Variants in LYAR observed in about 807,000 individuals in gnomAD.
LYAR encodes Ly1 antibody reactive.
In LYAR, 37 loss-of-function variants were observed where a neutral mutation model predicts 45.2. That is an observed-to-expected ratio of 0.82 (90% CI 0.63 to 1.08). The LOEUF is 1.08. Ranked by LOEUF, LYAR falls within the 50% of genes least tolerant of loss-of-function variation. The pLI is 0.00. For synonymous variants in LYAR, 176 were observed against 155.1 expected, an observed-to-expected ratio of 1.14 and a Z score of -1.00; for missense variants, 493 against 451.0, an observed-to-expected ratio of 1.09 and a Z score of -0.84.
chr4:4,281,936 C>A (rs1468955212), intron 3 of LYAR, 39 bp from the exon 4 acceptor site: 2 of 1,404,142 alleles, frequency 1.4e-6, no homozygotes, highest in Non-Finnish European at 1.0e-6. Flanking sequence ...AGACTGATAC[C>A]CAAGTTGGAG....
At chr4:4,276,729 C>A (rs377551350) in intron 6 of LYAR, among the ~76,000 whole-genome samples, 1 of 149,432 alleles carries the variant, frequency 6.7e-6, no homozygotes, top group Non-Finnish European at 1.5e-5. Flanking sequence ...TGGTGGCAAG[C>A]GCCTGTAATC....
rs779664121 is a variant in LYAR, at chr4:4,274,760, T to C, written c.439A>G (p.Asn147Asp). The C allele has an allele frequency of 1.9e-6, 3 of 1,590,928 alleles. No individual in the cohort carries two copies. The highest frequency in any genetic ancestry group is 1.4e-5 in the African/African-American group (1 of 73,062). ...FSEASNSEPVNKEQDQRPLHP... is the reference protein window; with the variant it reads ...FSEASNSEPVDKEQDQRPLHP... ...AGTGGCCGTTGATCCTGTTCCTTAT[T>C]GACTGGTTCCTTATCATTAAGCAAA... Residue 147 changes from asparagine (N) to aspartate (D), a missense_variant, in exon 7 of 10, where the codon AAT (asparagine) becomes GAT (aspartate). Asn to Asp is a conservative substitution (Grantham distance 23). Coordinates refer to ENST00000343470, the MANE Select transcript of LYAR (RefSeq NM_017816.3).
In LYAR at chr4:4,279,510, T is replaced by C; in HGVS notation, c.366A>G (p.Leu122=). Residue 122 remains leucine (L), a synonymous_variant, in exon 6 of 10, where the codon TTA becomes TTG. Coordinates refer to ENST00000343470, the MANE Select transcript of LYAR (RefSeq NM_017816.3). ...AKFQNWMKNS[L]KVHNESILDQ... The stretch of plus-strand genomic sequence containing the variant: ...CCAGAATGGATTCATTATGAACTTT[T>C]AAACTGTTCTTCATCCAATTCTGTA... The C allele has an allele frequency of 6.2e-7, 1 of 1,612,172 alleles. No individual in the cohort carries two copies. Among genetic ancestry groups the C allele is most frequent in the Non-Finnish European group, 8.5e-7 (1 of 1,178,204 alleles).
At position 4,273,673 on chromosome 4, in the gene LYAR, A is replaced by G; in HGVS notation, c.833-4T>C. 1.9e-6 allele frequency: 3 copies of G among 1,584,232 alleles called. No homozygotes were observed. The highest frequency in any genetic ancestry group is 2.6e-6 in the Non-Finnish European group (3 of 1,156,720). On this transcript the variant is annotated splice_region_variant and splice_polypyrimidine_tract_variant and intron_variant, in intron 7 of 9. Coordinates refer to ENST00000343470, the MANE Select transcript of LYAR (RefSeq NM_017816.3). ...TTCTTCTTAGAATCTGTTTCAACTAAGTATTTGGAAAGATTTTTTTTAAAG... is the reference window on the plus strand; with the variant it reads ...TTCTTCTTAGAATCTGTTTCAACTAGGTATTTGGAAAGATTTTTTTTAAAG...
chr4:4,278,588 G>T (rs1719280854), intron 6 of LYAR, among the ~76,000 whole-genome samples: 1 of 152,108 alleles, frequency 6.6e-6, no homozygotes, highest in African/African-American at 2.4e-5. Context: ...CCCTTATCCA[G>T]AGGAACACCT....
intron 8 of LYAR, among the ~76,000 whole-genome samples, chr4:4,272,986 C>T (rs1321684431): frequency 6.6e-6 from 1 of 152,064 alleles, no homozygotes; most frequent in East Asian, 1.9e-4. Context: ...TTTCAGAGGG[C>T]CCGTGAAGGC....
At position 4,271,991 on chromosome 4, in the gene LYAR, C is replaced by T. The variant is rs528915020; in HGVS notation, c.919+1592G>A. ...GCGAAGAGTCAGTCTCAAAAGGTTA[C>T]ATACTGTATGATTCCATTCATAGAA... is the stretch of plus-strand genomic sequence containing the variant. On this transcript the variant is annotated intron_variant, in intron 8 of 9. Transcript: ENST00000343470. Among the ~76,000 whole-genome samples the T allele has an allele frequency of 2.0e-5, 3 of 152,020 alleles. No homozygotes were observed. The South Asian group carries it at 6.2e-4, about 32-fold the overall frequency.
chr4:4,287,001 T>A lies in LYAR; in HGVS notation c.-107-429A>T, dbSNP rs1197536120. 2.6e-5 allele frequency among the ~76,000 whole-genome samples: 4 copies of A among 152,190 alleles called. No individual in the cohort carries two copies. The East Asian group carries it at 7.7e-4, about 29-fold the overall frequency. ...GGCAAGTTTGGATCATTTATGCTTC[T>A]GAAATTATGAAAGCTTAAAACTGCA... On this transcript the variant is annotated intron_variant, in intron 1 of 9. Coordinates refer to ENST00000343470, the MANE Select transcript of LYAR (RefSeq NM_017816.3).
At chr4:4,269,533 G>A (rs1432634295) in intron 8 of LYAR, among the ~76,000 whole-genome samples, 1 of 152,198 alleles carries the variant, frequency 6.6e-6, no homozygotes, top group Non-Finnish European at 1.5e-5. Context: ...TGTGATGTCA[G>A]TGGAACCTGC....
chr4:4,273,097 T>A (rs28710225), intron 8 of LYAR, among the ~76,000 whole-genome samples: 25,352 of 151,930 alleles, frequency 0.17, 4,019 homozygotes, highest in African/African-American at 0.41. Context: ...AAGAGAACAG[T>A]GAAAGGCAGG....
chr4:4,268,859 T>A (rs973340571), intron 8 of LYAR: 1 of 394,094 alleles, frequency 2.5e-6, no homozygotes, highest in Non-Finnish European at 4.5e-6. Flanking sequence ...AACTCCTAGA[T>A]AGAGTTGTAT....
In LYAR at chr4:4,283,739, C is replaced by G. The variant is rs911024237; in HGVS notation, c.4G>C (p.Val2Leu). The G allele has an allele frequency of 6.2e-7, 1 of 1,609,278 alleles. No homozygotes were observed. The highest frequency in any genetic ancestry group is 8.5e-7 in the Non-Finnish European group (1 of 1,178,452). M[V>L]FFTCNACGES... ...CCACATGCATTGCATGTAAAAAATACCATTTTTAGGTAAATGGCTAAATAT... is the reference window on the plus strand; with the variant it reads ...CCACATGCATTGCATGTAAAAAATAGCATTTTTAGGTAAATGGCTAAATAT... Residue 2 changes from valine to leucine, a missense_variant, in exon 3 of 10, where the codon GTA (valine) becomes CTA (leucine). Val to Leu is a conservative substitution (Grantham distance 32). Coordinates refer to ENST00000343470, the MANE Select transcript of LYAR (RefSeq NM_017816.3).
At chr4:4,277,955 G>A (rs753443412) in intron 6 of LYAR, among the ~76,000 whole-genome samples, 14 of 152,208 alleles carry the variant, frequency 9.2e-5, no homozygotes, top group Non-Finnish European at 1.9e-4. Flanking sequence ...ATGACAAGCT[G>A]CGTTTCGCAG....
At chr4:4,272,247 T>C (rs1332637834) in intron 8 of LYAR, among the ~76,000 whole-genome samples, 1 of 152,174 alleles carries the variant, frequency 6.6e-6, no homozygotes, top group East Asian at 1.9e-4. Flanking sequence ...CGCGGATACA[T>C]AAGGACGCCT....
chr4:4,283,935 C>G, intron 2 of LYAR, 140 bp from the exon 3 acceptor site: 1 of 533,470 alleles, frequency 1.9e-6, no homozygotes, highest in Non-Finnish European at 3.3e-6. Context: ...AAAATTCCAC[C>G]ATTCATATAA....
intron 7 of LYAR, among the ~76,000 whole-genome samples, chr4:4,274,002 C>A (rs112246006): frequency 6.6e-6 from 1 of 152,078 alleles, no homozygotes; most frequent in Non-Finnish European, 1.5e-5. Flanking sequence ...TTTGGGAGGC[C>A]GAGGGGGGCG....
At chr4:4,276,700 TACA>T (rs1719194790) in intron 6 of LYAR, among the ~76,000 whole-genome samples, 1 of 151,636 alleles carries the variant, frequency 6.6e-6, no homozygotes, top group African/African-American at 2.4e-5. Context: ...CTACTAAAAA[TACA>T]ACAATTAGCC....
intron 3 of LYAR, 64 bp downstream of exon 3, chr4:4,283,557 G>A: frequency 6.5e-7 from 1 of 1,532,940 alleles, no homozygotes; most frequent in Non-Finnish European, 8.8e-7. Context: ...AAGCTTTGTG[G>A]CGCCAAGGCT....
rs1205263610 is a variant in LYAR, at chr4:4,290,152, T to A, written c.-224A>T. 1 of 151,772 alleles carries A rather than the reference T, an allele frequency of 6.6e-6. No individual in the cohort carries two copies. 9.4% of individuals were successfully genotyped at this position (151,772 alleles called of 1,614,324 possible). On this transcript the variant is annotated 5_prime_UTR_variant, in exon 1 of 10. Transcript: ENST00000343470. ...CAGGCTTCGCGGTGCAGAATTCGCT[T>A]CTGAACCACCCAGCGCGCCTGCGCA... is the stretch of plus-strand genomic sequence containing the variant.
Sources: allele counts gnomAD v4.1 joint callset (sites outside exome capture counted in the v4.1 genomes callset), GRCh38; gene constraint gnomAD v4.1.1; transcripts MANE v1.5; gene names NCBI Gene and HGNC (gene_info 2026-07-23, HGNC 2026-07-21).